CUX1: variants seen among roughly 807,000 people sequenced by gnomAD.
The protein encoded by CUX1 is protein CASP.
A neutral mutation model predicts 158.8 loss-of-function variants in CUX1; 31 were observed. The ratio of observed to expected loss-of-function variants is 0.20; its 90% CI spans 0.15 to 0.26. The LOEUF is 0.26. CUX1 is among the 10% of genes least tolerant of loss of function. The pLI is 1.00. For synonymous variants in CUX1, 879 were observed against 862.1 expected, an observed-to-expected ratio of 1.02 and a Z score of -0.34; for missense variants, 1,589 against 2,014.6, an observed-to-expected ratio of 0.79 and a Z score of 4.04.
intron 8 of CUX1, among the ~76,000 whole-genome samples, chr7:102,116,591 C>T (rs1482366670): frequency 2.0e-5 from 3 of 152,106 alleles, no homozygotes; most frequent in Admixed American, 6.5e-5. Flanking sequence ...CTGCAGTGAG[C>T]TGTGATCGTA....
chr7:102,233,274 C>T (rs1193352911), intron 21 of CUX1, among the ~76,000 whole-genome samples: 1 of 149,946 alleles, frequency 6.7e-6, no homozygotes, highest in Non-Finnish European at 1.5e-5. Context: ...CAGTCTCAAC[C>T]TCCTGGGCTC....
chr7:101,837,239 G>T (rs1794731273), intron 1 of CUX1, among the ~76,000 whole-genome samples: 1 of 152,194 alleles, frequency 6.6e-6, no homozygotes, highest in South Asian at 2.1e-4. Flanking sequence ...TGCCAAGCCA[G>T]ATGTCCCTCA....
intron 2 of CUX1, among the ~76,000 whole-genome samples, chr7:101,919,787 T>G (rs1166995622): frequency 6.6e-6 from 1 of 152,104 alleles, no homozygotes; most frequent in Non-Finnish European, 1.5e-5. Flanking sequence ...CAGATGTCAC[T>G]GGGAAAAGCT....
At chr7:101,996,077 C>T (rs1044356537) in intron 2 of CUX1, among the ~76,000 whole-genome samples, 1 of 151,556 alleles carries the variant, frequency 6.6e-6, no homozygotes, top group Non-Finnish European at 1.5e-5. Flanking sequence ...CGCCACTGCA[C>T]TCCAGCCTGG....
chr7:102,172,095 CTTTTT>C (rs1266664045), intron 10 of CUX1, among the ~76,000 whole-genome samples: 1 of 151,684 alleles, frequency 6.6e-6, no homozygotes. Context: ...ACCGTTATTT[CTTTTT>C]TTTGAGAGAG....
chr7:101,990,669 G>A lies in CUX1; in HGVS notation c.142-37429G>A, dbSNP rs566208356. On this transcript the variant is annotated intron_variant, in intron 2 of 23. Transcript: ENST00000292535. ...TGGGATTACAGGTGTGAGTCACCGC[G>A]CCTGGCCCAGACCCCATCTCTTTAA... Among the ~76,000 whole-genome samples the A allele has an allele frequency of 3.7e-4, 56 of 151,358 alleles. No individual in the cohort carries two copies. In the South Asian group the frequency reaches 0.011, roughly 29 times the overall value.
chr7:101,975,646 G>T (rs1432751095), intron 2 of CUX1, among the ~76,000 whole-genome samples: 1 of 152,086 alleles, frequency 6.6e-6, no homozygotes, highest in Non-Finnish European at 1.5e-5. Flanking sequence ...ACTAACCCTG[G>T]ATAATGGCAT....
rs1252036141 is a variant in CUX1 at position 101,893,179 on chromosome 7, TTTTTTTA to T, written c.31-22935_31-22929del. Reference sequence around the variant, plus strand: ...ATTACTTTTTTTTTTTTTTTTTTTTTTTTTTTAAAATAGAGATGAGGGCTTGCTGTGT... The same window carrying T: ...ATTACTTTTTTTTTTTTTTTTTTTTTAAATAGAGATGAGGGCTTGCTGTGT... On this transcript the variant is annotated intron_variant, in intron 1 of 23. Coordinates refer to ENST00000292535, the MANE Select transcript of CUX1 (RefSeq NM_181552.4). Among the ~76,000 whole-genome samples, 236 of 86,882 alleles carry T rather than the reference TTTTTTTA, an allele frequency of 2.7e-3. 8 individuals are homozygous for T. The East Asian group carries it at 0.22, about 83-fold the overall frequency. The allele number at this position is 86,882 out of a possible 152,430, so 57.0% of individuals were successfully genotyped here. A position where few individuals can be genotyped will look rare whatever the true frequency, so the allele number is the denominator to read the frequency against.
Position 101,916,081 on chromosome 7 carries a change from C to A in CUX1, c.31-34C>A. 6.8e-7 allele frequency: 1 copy of A among 1,462,898 alleles called. No individual in the cohort carries two copies. Among genetic ancestry groups the A allele is most frequent in the Non-Finnish European group, 9.6e-7 (1 of 1,042,776 alleles). The allele number at this position is 1,462,898 out of a possible 1,614,324, so 90.6% of individuals were successfully genotyped here. ...CCTCCTCTAGTACACAGTGCAATTA[C>A]AATCTCACTTTTCCTTTCCTGTTTC... On this transcript the variant is annotated intron_variant, in intron 1 of 23. Coordinates refer to ENST00000292535, the MANE Select transcript of CUX1 (RefSeq NM_181552.4). The surrounding 1 kb of genome is among the most constrained non-coding windows in gnomAD (Gnocchi z 4.4).
At chr7:102,212,228 CACA>C (rs1384827422) in intron 20 of CUX1, among the ~76,000 whole-genome samples, 1 of 152,192 alleles carries the variant, frequency 6.6e-6, no homozygotes, top group East Asian at 1.9e-4. Flanking sequence ...ACAGATCCTG[CACA>C]GATGTCAGGG....
Position 101,916,641 on chromosome 7 carries a change from G to A in CUX1, c.141+416G>A, listed in dbSNP as rs538774523. On this transcript the variant is annotated intron_variant, in intron 2 of 23. Transcript: ENST00000292535. This position sits in a 1 kb window ranked among gnomAD's most constrained non-coding sequence, Gnocchi z 4.4. ...CTGCTTCCCTGTTGCTGGTGCAGGC[G>A]GAGTGTCTGAAGGCTGCACGCATCT... 16 of 205,882 alleles carry A rather than the reference G, an allele frequency of 7.8e-5. No homozygotes were observed. Among genetic ancestry groups the A allele is most frequent in the Admixed American group, 3.1e-4 (6 of 19,422 alleles). The allele number at this position is 205,882 out of a possible 1,614,324, so 12.8% of individuals were successfully genotyped here.
chr7:102,164,187 C>T (rs1278228452), intron 9 of CUX1, among the ~76,000 whole-genome samples: 1 of 152,196 alleles, frequency 6.6e-6, no homozygotes, highest in Non-Finnish European at 1.5e-5. Flanking sequence ...GCCCGCCCAC[C>T]ACCCCTCCGG....
rs1801215595 is a variant in CUX1, at chr7:102,249,263, C to T, written c.*221C>T. The T allele has an allele frequency of 5.7e-6, 6 of 1,061,068 alleles. No individual in the cohort carries two copies. The highest frequency in any genetic ancestry group is 6.8e-6 in the Non-Finnish European group (6 of 877,848). The allele number at this position is 1,061,068 out of a possible 1,614,324, so 65.7% of individuals were successfully genotyped here. A position where few individuals can be genotyped will look rare whatever the true frequency, so the allele number is the denominator to read the frequency against. ...CGCGGCCCAGACCCACTCTGCGGCC[C>T]GGGCCGACCCTGCGGCCTCCACCAA... On this transcript the variant is annotated 3_prime_UTR_variant, in exon 24 of 24. Transcript: ENST00000292535.
chr7:102,037,361 T>A (rs1821557301), intron 3 of CUX1, among the ~76,000 whole-genome samples: 1 of 151,034 alleles, frequency 6.6e-6, no homozygotes, highest in Non-Finnish European at 1.5e-5. Flanking sequence ...TTTCTTTTTT[T>A]TTTTTTTTGA....
At chr7:101,914,416 TTCCC>T (rs1164406309) in intron 1 of CUX1, among the ~76,000 whole-genome samples, 1 of 114,662 alleles carries the variant, frequency 8.7e-6, no homozygotes, top group African/African-American at 3.2e-5. Flanking sequence ...CCCTCCCTCT[TTCCC>T]TCCCTCCCTC....
chr7:102,101,912 A>G (rs1451224500), intron 5 of CUX1, among the ~76,000 whole-genome samples: 1 of 83,348 alleles, frequency 1.2e-5, no homozygotes, highest in Non-Finnish European at 2.4e-5. Context: ...TATCTGTCTC[A>G]ATAAAAAAAA....
At chr7:101,827,293 C>CTCTTCTCTTCTCTTCTCTTCTCTT in intron 1 of CUX1, among the ~76,000 whole-genome samples, 1 of 150,252 alleles carries the variant, frequency 6.7e-6, no homozygotes. Context: ...CTCTTCTCTT[C>CTCTTCTCTTCTCTTCTCTTCTCTT]TTTTCTTTTC....
Position 102,017,540 on chromosome 7 carries a change from T to C in CUX1, c.142-10558T>C, listed in dbSNP as rs184020694. 2.4e-3 allele frequency among the ~76,000 whole-genome samples: 372 copies of C among 152,262 alleles called. 3 individuals are homozygous for C. Among genetic ancestry groups the C allele is most frequent in the Admixed American group, 0.022 (335 of 15,276 alleles). ...CTCGTAGTTAATGCTCAAATGGTTTTTGAATAAATTAAAATACAATATGTG... is the reference window on the plus strand; with the variant it reads ...CTCGTAGTTAATGCTCAAATGGTTTCTGAATAAATTAAAATACAATATGTG... On this transcript the variant is annotated intron_variant, in intron 2 of 23. Coordinates refer to ENST00000292535, the MANE Select transcript of CUX1 (RefSeq NM_181552.4).
chr7:102,262,353 C>A (rs571574992), downstream of CUX1, among the ~76,000 whole-genome samples: 1 of 147,320 alleles, frequency 6.8e-6, no homozygotes, highest in Admixed American at 6.7e-5. Context: ...AGCCGTGATA[C>A]CTCCACTGCA....
Sources: gnomAD v4.1 joint callset for allele counts (sites outside exome capture counted in the v4.1 genomes callset) on GRCh38, gnomAD v4.1.1 for gene constraint, Gnocchi (gnomAD v3.1) non-coding constraint, MANE v1.5 for transcripts, NCBI Gene and HGNC (gene_info 2026-07-23, HGNC 2026-07-21) for gene names.